DNAAF11: variants seen among roughly 807,000 people sequenced by gnomAD.
DNAAF11 encodes dynein axonemal assembly factor 11.
DNAAF11 carries 45 observed loss-of-function variants against 60.8 expected under a neutral mutation model. The ratio of observed to expected loss-of-function variants is 0.74; its 90% CI spans 0.58 to 0.95. DNAAF11 has a LOEUF of 0.95. DNAAF11 is among the 40% of genes least tolerant of loss of function. DNAAF11 has a pLI of 0.00. For synonymous variants in DNAAF11, 191 were observed against 183.5 expected (o/e 1.04, Z -0.33); for missense variants, 546 against 546.2 (o/e 1.00, Z 0.00).
intron 11 of DNAAF11, among the ~76,000 whole-genome samples, chr8:132,577,085 C>T (rs1289929484): frequency 6.6e-6 from 1 of 152,132 alleles, no homozygotes; most frequent in African/African-American, 2.4e-5. Context: ...AGAAGCAGAA[C>T]ATTATCAGCA....
chr8:132,629,900 C>A (rs1820638810), intron 5 of DNAAF11, among the ~76,000 whole-genome samples: 1 of 152,120 alleles, frequency 6.6e-6, no homozygotes, highest in African/African-American at 2.4e-5. Context: ...TTTTTAAAAT[C>A]TCATTCTACA....
chr8:132,578,468 C>G (rs1408310707), intron 11 of DNAAF11: 14 of 1,533,510 alleles, frequency 9.1e-6, no homozygotes, highest in Non-Finnish European at 1.2e-5. Context: ...ACTGGTCTTA[C>G]CCACGACCTG....
chr8:132,663,250 A>G (rs556713525), intron 1 of DNAAF11, among the ~76,000 whole-genome samples: 6 of 152,310 alleles, frequency 3.9e-5, no homozygotes, highest in African/African-American at 1.4e-4. Context: ...TGGTTTGTGA[A>G]CCAGCTTAAA....
At chr8:132,582,718 G>A (rs1815465855) in intron 11 of DNAAF11, among the ~76,000 whole-genome samples, 1 of 152,220 alleles carries the variant, frequency 6.6e-6, no homozygotes, top group South Asian at 2.1e-4. Flanking sequence ...ATATACCAAT[G>A]CCTGACTGCT....
intron 10 of DNAAF11, among the ~76,000 whole-genome samples, chr8:132,598,832 A>T (rs1035930855): frequency 6.6e-6 from 1 of 152,244 alleles, no homozygotes. Flanking sequence ...GGAAGATCTA[A>T]AATTGACACC....
At chr8:132,690,008 C>T in the DNAAF11 span, among the ~76,000 whole-genome samples, 1 of 152,102 alleles carries the variant, frequency 6.6e-6, no homozygotes, top group East Asian at 1.9e-4. Context: ...GAACCACACA[C>T]TTGACTCATA....
chr8:132,612,854 T>A (rs1283097863), intron 8 of DNAAF11, among the ~76,000 whole-genome samples: 1 of 151,798 alleles, frequency 6.6e-6, no homozygotes, highest in African/African-American at 2.4e-5. Flanking sequence ...AATGAAAGAG[T>A]TTTACTACAT....
intron 10 of DNAAF11, among the ~76,000 whole-genome samples, chr8:132,596,890 G>A (rs1426516774): frequency 6.6e-6 from 1 of 152,238 alleles, no homozygotes; most frequent in Non-Finnish European, 1.5e-5. Flanking sequence ...AGGGACAGCT[G>A]TGCAGGGAAT....
intron 3 of DNAAF11, among the ~76,000 whole-genome samples, chr8:132,639,334 C>G (rs1347707520): frequency 1.3e-5 from 2 of 152,200 alleles, no homozygotes; most frequent in African/African-American, 4.8e-5. Context: ...ATTTTGCAAC[C>G]TCCAATGTCT....
intron 4 of DNAAF11, among the ~76,000 whole-genome samples, chr8:132,636,576 C>T (rs1821317439): frequency 6.6e-6 from 1 of 152,160 alleles, no homozygotes; most frequent in Admixed American, 6.5e-5. Flanking sequence ...GGCTCTCACA[C>T]CTCTAGCCTG....
chr8:132,609,377 C>T (rs925339105), intron 10 of DNAAF11, among the ~76,000 whole-genome samples: 4 of 150,208 alleles, frequency 2.7e-5, no homozygotes, highest in Non-Finnish European at 5.9e-5. Context: ...TGTACATGTT[C>T]AGTATAGACA....
chr8:132,628,639 G>A (rs1820513912), intron 5 of DNAAF11, among the ~76,000 whole-genome samples: 1 of 152,094 alleles, frequency 6.6e-6, no homozygotes. Flanking sequence ...TGAGAGGGGA[G>A]TAACCTCCTA....
Position 132,615,055 on chromosome 8 carries a change from C to G in DNAAF11, c.957G>C (p.Leu319=). ...SLKDNEKQII[L]DLAVYRYMDT... The stretch of plus-strand genomic sequence containing the variant: ...GTCTTTACCTATAGACAGCAAGGTC[C>G]AGGATGATCTGCTTTTCGTTATCTT... Residue 319 remains leucine (L), a synonymous_variant, in exon 8 of 12, where the codon CTG becomes CTC. Transcript: ENST00000620350. The G allele has an allele frequency of 6.2e-7, 1 of 1,605,676 alleles. No homozygotes were observed. The highest frequency in any genetic ancestry group is 8.5e-7 in the Non-Finnish European group (1 of 1,173,264).
intron 11 of DNAAF11, among the ~76,000 whole-genome samples, chr8:132,573,190 A>AT (rs1276500219): frequency 6.6e-6 from 1 of 152,220 alleles, no homozygotes. Context: ...TTTTGATTCA[A>AT]TAAGTCTGGT....
chr8:132,669,379 T>C (rs1431852085), intron 1 of DNAAF11, among the ~76,000 whole-genome samples: 5 of 152,274 alleles, frequency 3.3e-5, no homozygotes, highest in African/African-American at 1.2e-4. Flanking sequence ...AAGGCAGTTA[T>C]GCAATTGTAA....
intron 11 of DNAAF11, among the ~76,000 whole-genome samples, chr8:132,576,371 C>T (rs1421995033): frequency 6.6e-6 from 1 of 152,164 alleles, no homozygotes; most frequent in East Asian, 1.9e-4. Flanking sequence ...GAAAAGCTGT[C>T]TTCCTATCCT....
the DNAAF11 span, among the ~76,000 whole-genome samples, chr8:132,696,457 T>G: frequency 6.6e-6 from 1 of 152,170 alleles, no homozygotes; most frequent in Non-Finnish European, 1.5e-5. Context: ...CATAAAGTCA[T>G]GTATGTGAAT....
At chr8:132,591,227 C>A (rs796770834) in intron 10 of DNAAF11, among the ~76,000 whole-genome samples, 1 of 151,856 alleles carries the variant, frequency 6.6e-6, no homozygotes, top group African/African-American at 2.4e-5. Flanking sequence ...TTCAATGAAC[C>A]CTCATTAGCA....
intron 10 of DNAAF11, among the ~76,000 whole-genome samples, chr8:132,597,627 C>A (rs1817155805): frequency 6.6e-6 from 1 of 152,142 alleles, no homozygotes; most frequent in Admixed American, 6.5e-5. Flanking sequence ...TGGGAGGATG[C>A]CAGGCAAGGT....
Sources: gnomAD v4.1 joint callset for allele counts (sites outside exome capture counted in the v4.1 genomes callset) on GRCh38, gnomAD v4.1.1 for gene constraint, MANE v1.5 for transcripts, NCBI Gene and HGNC (gene_info 2026-07-23, HGNC 2026-07-21) for gene names.